TJP1: variants seen among roughly 807,000 people sequenced by gnomAD.
The protein encoded by TJP1 is tight junction protein 1.
Under a neutral mutation model 194.2 loss-of-function variants are expected in TJP1, and 43 were observed. The ratio of observed to expected loss-of-function variants is 0.22; its 90% CI spans 0.17 to 0.29. The LOEUF is 0.29. Ranked by LOEUF, TJP1 falls within the 10% of genes least tolerant of loss-of-function variation. The probability of loss-of-function intolerance (pLI) is 1.00; values close to 1 mark genes in which losing one functional copy is unlikely to be tolerated. For missense variants in TJP1, 1,971 were observed against 2,185.7 expected (o/e 0.90, Z 1.96); for synonymous variants, 801 against 779.0 (o/e 1.03, Z -0.47).
chr15:29,847,972 T>C (rs1406509799), intron 2 of TJP1, among the ~76,000 whole-genome samples: 1 of 152,214 alleles, frequency 6.6e-6, no homozygotes, highest in Non-Finnish European at 1.5e-5. Context: ...GACCCATTGA[T>C]TATTTAGAAG....
rs1299219191 is a variant in TJP1, at chr15:29,958,998, G to GT, written c.174-2635dup. 4.5e-4 allele frequency among the ~76,000 whole-genome samples: 62 copies of GT among 137,420 alleles called. 1 individual carries two copies. The South Asian group carries it at 5.6e-3, about 12-fold the overall frequency. 90.2% of individuals were successfully genotyped at this position (137,420 alleles called of 152,430 possible). On this transcript the variant is annotated intron_variant, in intron 1 of 28. Coordinates refer to the TJP1 transcript ENST00000356107. ...CTAAAGTAGCTAGTTTTTTTTTTTT[G>GT]TTTTTTTTTGAGTCGGAGTCTCGCT... is the stretch of plus-strand genomic sequence containing the variant.
chr15:29,772,274 A>G (rs1045662787), intron 3 of TJP1, 108 bp from the exon 4 acceptor site: 2 of 615,570 alleles, frequency 3.2e-6, no homozygotes, highest in Non-Finnish European at 5.6e-6. Context: ...ATTATGAGCC[A>G]ATTAATTAAT....
chr15:29,788,021 G>A (rs547758101), intron 2 of TJP1, among the ~76,000 whole-genome samples: 1 of 152,130 alleles, frequency 6.6e-6, no homozygotes, highest in Non-Finnish European at 1.5e-5. Flanking sequence ...GTGTGAAGGG[G>A]TATTTCACTA....
intron 23 of TJP1, among the ~76,000 whole-genome samples, chr15:29,715,101 A>C (rs1407243646): frequency 6.6e-6 from 1 of 152,190 alleles, no homozygotes; most frequent in Non-Finnish European, 1.5e-5. Context: ...GTAACACTGT[A>C]AATGTAAATG....
chr15:29,939,192 G>C (rs2054983082), intron 2 of TJP1, among the ~76,000 whole-genome samples: 1 of 152,216 alleles, frequency 6.6e-6, no homozygotes, highest in South Asian at 2.1e-4. Context: ...CTGAGATGAT[G>C]CTGAGGCTCA....
chr15:29,906,967 T>C lies in TJP1; in HGVS notation c.306+49265A>G, dbSNP rs530583599. On this transcript the variant is annotated intron_variant, in intron 2 of 28. Transcript: ENST00000356107. ...CAGAATATAAAAATATAAACTACAG[T>C]ATGATTCTAATTTTGTTTTTAAAAA... Among the ~76,000 whole-genome samples the C allele has an allele frequency of 2.9e-4, 44 of 152,278 alleles. 1 individual carries two copies. In the South Asian group the frequency reaches 8.5e-3, roughly 29 times the overall value.
chr15:29,808,216 C>T (rs913594140), intron 1 of TJP1, among the ~76,000 whole-genome samples: 2 of 152,052 alleles, frequency 1.3e-5, no homozygotes, highest in African/African-American at 4.8e-5. Flanking sequence ...TGCAGTGAGC[C>T]GAGATTGCAC....
At chr15:29,760,391 T>C (rs933404517) in intron 8 of TJP1, 1 of 619,934 alleles carries the variant, frequency 1.6e-6, no homozygotes, top group African/African-American at 1.8e-5. Context: ...TTGTTTTGTT[T>C]TTGAGAAAGA....
intron 8 of TJP1, among the ~76,000 whole-genome samples, chr15:29,755,724 T>TC (rs1318581012): frequency 6.6e-6 from 1 of 152,172 alleles, no homozygotes; most frequent in Non-Finnish European, 1.5e-5. Context: ...GAAAACACAT[T>TC]CCCCAAACAC....
At chr15:29,786,754 G>C (rs2047724964) in intron 2 of TJP1, among the ~76,000 whole-genome samples, 1 of 152,048 alleles carries the variant, frequency 6.6e-6, no homozygotes, top group Non-Finnish European at 1.5e-5. Context: ...CTCCTGCCTT[G>C]GCCTCCCAAA....
At chr15:29,824,080 TC>T (rs2050588717), upstream of TJP1, 1 of 7,042 alleles carries the variant, frequency 1.4e-4, no homozygotes, top group Non-Finnish European at 2.9e-4. Flanking sequence ...AGACTCTGTC[TC>T]AAAAAAAAAA....
intron 2 of TJP1, among the ~76,000 whole-genome samples, chr15:29,873,178 A>G (rs556115506): frequency 6.6e-6 from 1 of 152,338 alleles, no homozygotes; most frequent in Non-Finnish European, 1.5e-5. Context: ...CTGTCCCTGA[A>G]GGGCAGAGTG....
At position 29,710,854 on chromosome 15, in the gene TJP1, T is replaced by C. The variant is rs1449486750; in HGVS notation, c.4349A>G (p.His1450Arg). 7 of 1,614,098 alleles carry C rather than the reference T, an allele frequency of 4.3e-6. No homozygotes were observed. Among genetic ancestry groups the C allele is most frequent in the Admixed American group, 1.7e-5 (1 of 60,014 alleles). ...QPVTSASLHI[H>R]SKGAHGEGNS... ...ACCTTCACCATGTGCTCCCTTAGAA[T>C]GTATGTGGAGAGACGCGCTGGTGAC... Residue 1450 changes from histidine to arginine, a missense_variant, in exon 24 of 28, where the codon CAT (histidine) becomes CGT (arginine). His to Arg is a conservative substitution (Grantham distance 29). Around this residue, in one of 5 missense-constraint regions of TJP1, gnomAD observed 1,108 missense variants for 1,128.5 expected, o/e 0.98. Transcript: ENST00000614355.
At position 29,741,340 on chromosome 15, in the gene TJP1, C is replaced by A; in HGVS notation, c.1247G>T (p.Gly416Val). 6.3e-7 allele frequency: 1 copy of A among 1,587,208 alleles called. No homozygotes were observed. The highest frequency in any genetic ancestry group is 2.3e-5 in the East Asian group (1 of 44,212). ...TTTAAAATTGTATTACCGAAGAATC[C>A]CATCTTCATGAGTTGAATTAGGTAG... ...GVLPNSTHEDGILRPSMKLVK... is the reference protein window; with the variant it reads ...GVLPNSTHEDVILRPSMKLVK... The change falls in exon 10 of 28, where the codon GGG becomes GTG. Residue 416 changes from glycine to valine, a missense_variant. Around this residue, in one of 5 missense-constraint regions of TJP1, gnomAD observed 192 missense variants for 182.3 expected, o/e 1.05. Coordinates refer to ENST00000614355, the MANE Select transcript of TJP1 (RefSeq NM_001330239.4).
intron 2 of TJP1, among the ~76,000 whole-genome samples, chr15:29,799,026 A>T (rs2048602474): frequency 6.6e-6 from 1 of 152,184 alleles, no homozygotes; most frequent in Non-Finnish European, 1.5e-5. Flanking sequence ...AATAGGTGTT[A>T]AGAGAAAGTT....
intron 2 of TJP1, among the ~76,000 whole-genome samples, chr15:29,901,167 C>T (rs16954800): frequency 0.056 from 8,504 of 152,232 alleles, 286 homozygotes; most frequent in South Asian, 0.11. Context: ...CGCTTACCCG[C>T]TACTGAATGA....
chr15:29,824,504 C>G (rs191026684), upstream of TJP1, among the ~76,000 whole-genome samples: 6 of 151,644 alleles, frequency 4.0e-5, no homozygotes, highest in Middle Eastern at 0.01. Context: ...GAGGCCAAGA[C>G]CAGAGGATTC....
At chr15:29,734,132 G>C (rs950800373) in intron 12 of TJP1, 142 bp downstream of exon 12, 1 of 591,368 alleles carries the variant, frequency 1.7e-6, no homozygotes, top group Admixed American at 3.5e-5. Context: ...AAATGACTTA[G>C]AATTACATAA....
chr15:29,828,305 A>C (rs1203109195), intron 2 of TJP1, among the ~76,000 whole-genome samples: 1 of 152,194 alleles, frequency 6.6e-6, no homozygotes, highest in Non-Finnish European at 1.5e-5. Flanking sequence ...AATCTGCTTC[A>C]TCATTTTAAA....
Sources: gnomAD v4.1 joint callset for allele counts (sites outside exome capture counted in the v4.1 genomes callset) on GRCh38, gnomAD v4.1.1 for gene constraint, gnomAD v4.1.1 regional missense constraint, MANE v1.5 for transcripts, NCBI Gene and HGNC (gene_info 2026-07-23, HGNC 2026-07-21) for gene names.